ASAP2: variants seen among roughly 807,000 people sequenced by gnomAD.
The protein encoded by ASAP2 is ArfGAP with SH3 domain, ankyrin repeat and PH domain 2.
Under a neutral mutation model 131.4 loss-of-function variants are expected in ASAP2, and 45 were observed. The observed-to-expected ratio is 0.34, with a 90% CI of 0.27 to 0.44. ASAP2 has a LOEUF of 0.44. ASAP2 is among the 20% of genes least tolerant of loss of function. The pLI, the probability that ASAP2 is intolerant of heterozygous loss-of-function variation, is 1.00. For synonymous variants in ASAP2, 510 were observed against 503.0 expected, an observed-to-expected ratio of 1.01 and a Z score of -0.19; for missense variants, 1,011 against 1,297.0, an observed-to-expected ratio of 0.78 and a Z score of 3.39.
chr2:9,347,678 C>T (rs1384509854), intron 11 of ASAP2, among the ~76,000 whole-genome samples: 2 of 152,146 alleles, frequency 1.3e-5, no homozygotes, highest in Non-Finnish European at 2.9e-5. Flanking sequence ...TCCTTCTTAG[C>T]CAAGTCTGTT....
At chr2:9,231,608 C>G (rs1377700175) in intron 1 of ASAP2, among the ~76,000 whole-genome samples, 2 of 152,224 alleles carry the variant, frequency 1.3e-5, no homozygotes, top group African/African-American at 2.4e-5. Flanking sequence ...GCCTGTTCTT[C>G]CTCCTGTCAG....
chr2:9,217,950 T>C lies in ASAP2; in HGVS notation c.126+10720T>C, dbSNP rs1021933661. ...TTACATGAAAAAATAATGATGACAATGCTTTAATTTCATTTCTCTGAGCTT... is the reference window on the plus strand; with the variant it reads ...TTACATGAAAAAATAATGATGACAACGCTTTAATTTCATTTCTCTGAGCTT... On this transcript the variant is annotated intron_variant, in intron 1 of 27. Coordinates refer to ENST00000281419, the MANE Select transcript of ASAP2 (RefSeq NM_003887.3). The surrounding 1 kb of genome is among the most constrained non-coding windows in gnomAD (Gnocchi z 4.0). 2.6e-5 allele frequency among the ~76,000 whole-genome samples: 4 copies of C among 151,436 alleles called. No individual in the cohort carries two copies. The highest frequency in any genetic ancestry group is 9.7e-5 in the African/African-American group (4 of 41,112).
Position 9,350,583 on chromosome 2 carries a change from C to T in ASAP2, c.1024-225C>T. 1.1e-5 allele frequency: 5 copies of T among 453,602 alleles called. 1 individual carries two copies. Among genetic ancestry groups the T allele is most frequent in the Middle Eastern group, 6.7e-4 (2 of 3,000 alleles). 28.1% of individuals were successfully genotyped at this position (453,602 alleles called of 1,614,324 possible). ...TCTTGTCCAGGTGGGTTTGTGTAGA[C>T]CACCAAGGTGCCCTTGCAGGGAGGC... On this transcript the variant is annotated intron_variant, in intron 11 of 27. Transcript: ENST00000281419.
In ASAP2 at chr2:9,358,830, G is replaced by A; in HGVS notation, c.1402G>A (p.Val468Ile). Residue 468 changes from valine to isoleucine, a missense_variant, in exon 15 of 28, where the codon GTT becomes ATT. Val to Ile is a conservative substitution (Grantham distance 29). Transcript: ENST00000281419. The stretch of plus-strand genomic sequence containing the variant: ...TTCCGGAATCCACCGAGAGCTGGGG[G>A]TTCATTATTCCAGGATGCAGTCCCT... ...ECSGIHRELG[V>I]HYSRMQSLTL... 4 of 1,613,558 alleles carry A rather than the reference G, an allele frequency of 2.5e-6. No individual in the cohort carries two copies. Among genetic ancestry groups the A allele is most frequent in the Non-Finnish European group, 2.5e-6 (3 of 1,179,910 alleles).
intron 3 of ASAP2, among the ~76,000 whole-genome samples, chr2:9,308,344 C>T (rs558702203): frequency 6.6e-6 from 1 of 152,248 alleles, no homozygotes; most frequent in Non-Finnish European, 1.5e-5. Context: ...AACTCACTTG[C>T]TACACAGTAC....
chr2:9,239,480 G>A (rs1001204721), intron 1 of ASAP2, among the ~76,000 whole-genome samples: 1 of 152,090 alleles, frequency 6.6e-6, no homozygotes. Flanking sequence ...GGTGGGGGGA[G>A]ATAATAACAA....
At chr2:9,275,557 G>A (rs1056682982) in intron 1 of ASAP2, among the ~76,000 whole-genome samples, 1 of 152,162 alleles carries the variant, frequency 6.6e-6, no homozygotes, top group Admixed American at 6.5e-5. Context: ...TTTGAACCAT[G>A]GGTTCCAGCC....
intron 3 of ASAP2, among the ~76,000 whole-genome samples, chr2:9,305,559 G>T (rs1668850336): frequency 7.0e-6 from 1 of 143,608 alleles, no homozygotes. Flanking sequence ...AGATATTGGT[G>T]GAGGGGCTGT....
rs1302542933 is a variant in ASAP2 at position 9,207,088 on chromosome 2, G to A, written c.-17G>A. The A allele has an allele frequency of 1.2e-5, 18 of 1,552,690 alleles. 1 individual carries two copies. The highest frequency in any genetic ancestry group is 3.5e-5 in the South Asian group (3 of 86,160). On this transcript the variant is annotated 5_prime_UTR_variant, in exon 1 of 28. Coordinates refer to ENST00000281419, the MANE Select transcript of ASAP2 (RefSeq NM_003887.3). This position sits in a 1 kb window ranked among gnomAD's most constrained non-coding sequence, Gnocchi z 4.1. Reference sequence around the variant, plus strand: ...GGCGCCCCTGCGGCTGTGCGCCAGCGCCCTCGCGCCGAGGCGATGCCGGAC... The same window carrying A: ...GGCGCCCCTGCGGCTGTGCGCCAGCACCCTCGCGCCGAGGCGATGCCGGAC...
At chr2:9,307,090 A>C (rs1364314010) in intron 3 of ASAP2, among the ~76,000 whole-genome samples, 2 of 152,196 alleles carry the variant, frequency 1.3e-5, no homozygotes, top group Non-Finnish European at 2.9e-5. Context: ...AATTGTTAGA[A>C]ATGCGCAGCC....
chr2:9,286,302 G>A (rs145974356), intron 2 of ASAP2, among the ~76,000 whole-genome samples: 1 of 152,026 alleles, frequency 6.6e-6, no homozygotes, highest in Non-Finnish European at 1.5e-5. Context: ...GGAGGGTGAG[G>A]CAGGAAGATT....
chr2:9,317,211 A>C (rs1669769650), intron 3 of ASAP2, among the ~76,000 whole-genome samples: 1 of 129,980 alleles, frequency 7.7e-6, no homozygotes, highest in African/African-American at 2.9e-5. Flanking sequence ...ACCCACTCAC[A>C]TCCACACTCA....
intron 24 of ASAP2, among the ~76,000 whole-genome samples, chr2:9,396,859 G>A (rs576264231): frequency 2.6e-5 from 4 of 152,218 alleles, no homozygotes; most frequent in Admixed American, 6.5e-5. Context: ...AAAATTAGCC[G>A]GGCATGATGG....
chr2:9,351,860 GAGGGTT>G (rs1282985043), intron 12 of ASAP2, among the ~76,000 whole-genome samples: 2 of 152,170 alleles, frequency 1.3e-5, no homozygotes, highest in Non-Finnish European at 2.9e-5. Flanking sequence ...AATCTCTGGG[GAGGGTT>G]GAGCACTGTG....
chr2:9,263,420 G>C (rs1332408303), intron 1 of ASAP2, among the ~76,000 whole-genome samples: 1 of 152,226 alleles, frequency 6.6e-6, no homozygotes, highest in Non-Finnish European at 1.5e-5. Context: ...CTGTGCAGTG[G>C]TGATCTTGCC....
intron 15 of ASAP2, among the ~76,000 whole-genome samples, chr2:9,367,754 A>C (rs111963005): frequency 6.6e-6 from 1 of 152,192 alleles, no homozygotes; most frequent in African/African-American, 2.4e-5. Flanking sequence ...AGAGCAAGAC[A>C]CTGTCTCAAA....
At chr2:9,343,888 A>G (rs1298745463) in intron 9 of ASAP2, among the ~76,000 whole-genome samples, 1 of 152,212 alleles carries the variant, frequency 6.6e-6, no homozygotes, top group Non-Finnish European at 1.5e-5. Context: ...ATTCAATCAG[A>G]TTCTCAGCTG....
chr2:9,235,091 A>G (rs1663449693), intron 1 of ASAP2, among the ~76,000 whole-genome samples: 2 of 151,980 alleles, frequency 1.3e-5, no homozygotes, highest in Admixed American at 1.3e-4. Context: ...GCCGTGTTTC[A>G]CTGTCCCCGC....
intron 1 of ASAP2, among the ~76,000 whole-genome samples, chr2:9,259,925 A>T (rs1665459235): frequency 6.6e-6 from 1 of 152,114 alleles, no homozygotes; most frequent in South Asian, 2.1e-4. Flanking sequence ...CGAGTATGGA[A>T]CCCAGGTCTA....
Sources: gnomAD v4.1 joint callset for allele counts (sites outside exome capture counted in the v4.1 genomes callset) on GRCh38, gnomAD v4.1.1 for gene constraint, Gnocchi (gnomAD v3.1) non-coding constraint, MANE v1.5 for transcripts, NCBI Gene and HGNC (gene_info 2026-07-23, HGNC 2026-07-21) for gene names.